The following AHCY variants were observed in gnomAD, a reference collection of about 807,000 sequenced individuals.
The protein encoded by AHCY is S-adenosyl-L-homocysteine hydrolase.
Under a neutral mutation model 45.4 loss-of-function variants are expected in AHCY, and 24 were observed. The observed-to-expected ratio is 0.53, with a 90% CI of 0.38 to 0.74. The LOEUF (loss-of-function observed/expected upper bound fraction) is 0.74, where lower values mean the gene tolerates loss of function less well. Ranked by LOEUF, AHCY falls within the 30% of genes least tolerant of loss-of-function variation. AHCY has a pLI of 0.00. For missense variants in AHCY, 449 were observed against 594.1 expected, an observed-to-expected ratio of 0.76 and a Z score of 2.54; for synonymous variants, 245 against 235.1, an observed-to-expected ratio of 1.04 and a Z score of -0.39.
At chr20:34,288,851 T>C (rs1423720881) in intron 8 of AHCY, among the ~76,000 whole-genome samples, 1 of 152,122 alleles carries the variant, frequency 6.6e-6, no homozygotes, top group Admixed American at 6.6e-5. Context: ...AAACTCATAA[T>C]AATTGCAACT....
the AHCY span, among the ~76,000 whole-genome samples, chr20:34,253,432 CTTA>C: frequency 7.8e-6 from 1 of 127,478 alleles, no homozygotes; most frequent in African/African-American, 4.8e-5. Context: ...TCCCTACGCT[CTTA>C]TTTTTATTTT....
intron 9 of AHCY, chr20:34,281,648 T>C (rs1463662677): frequency 9.4e-6 from 2 of 213,818 alleles, no homozygotes; most frequent in Non-Finnish European, 1.9e-5. Context: ...GAATCCTAGG[T>C]TTCCAGTGTT....
At chr20:34,276,070 G>A (rs73261404), downstream of AHCY, among the ~76,000 whole-genome samples, 16,057 of 152,024 alleles carry the variant, frequency 0.11, 2,847 homozygotes, top group African/African-American at 0.37. Context: ...TTCCAATCCT[G>A]GCAGCCCCAC....
intron 9 of AHCY, among the ~76,000 whole-genome samples, chr20:34,282,236 A>G (rs2036027954): frequency 6.6e-6 from 1 of 152,156 alleles, no homozygotes; most frequent in Non-Finnish European, 1.5e-5. Context: ...CTCTGGGGGA[A>G]GCCAGATGCC....
chr20:34,236,588 C>T, the AHCY span, among the ~76,000 whole-genome samples: 6 of 151,952 alleles, frequency 3.9e-5, no homozygotes, highest in Admixed American at 1.3e-4. Context: ...CAGTGGCTCA[C>T]GCCTGTAATC....
At chr20:34,291,636 T>C in intron 4 of AHCY, 105 bp from the exon 5 acceptor site, 1 of 1,040,762 alleles carries the variant, frequency 9.6e-7, no homozygotes, top group Non-Finnish European at 1.5e-6. Flanking sequence ...GGTTCCCATC[T>C]CTGTGACTGA....
chr20:34,269,453 A>G, the AHCY span: 1 of 428,314 alleles, frequency 2.3e-6, no homozygotes. Context: ...TCCCAGCCTC[A>G]CAGCTGCACT....
the AHCY span, among the ~76,000 whole-genome samples, chr20:34,245,698 A>AAT: frequency 6.6e-6 from 1 of 151,782 alleles, no homozygotes; most frequent in Non-Finnish European, 1.5e-5. Context: ...AAATGACCAA[A>AAT]ATTTTTTATT....
the AHCY span, among the ~76,000 whole-genome samples, chr20:34,232,009 A>G: frequency 6.6e-6 from 1 of 152,246 alleles, no homozygotes; most frequent in Non-Finnish European, 1.5e-5. Flanking sequence ...ATTATTCATC[A>G]CACAGCAAGC....
the AHCY span, chr20:34,246,460 TG>T: frequency 7.1e-7 from 1 of 1,401,402 alleles, no homozygotes; most frequent in African/African-American, 1.4e-5. Flanking sequence ...GGACTCGAAG[TG>T]GGTAATTGGC....
intron 5 of AHCY, 84 bp from the exon 6 acceptor site, chr20:34,291,022 G>T: frequency 7.2e-7 from 1 of 1,382,250 alleles, no homozygotes; most frequent in Non-Finnish European, 1.0e-6. Context: ...ATTCTGAAGA[G>T]CCCAGGCATC....
At chr20:34,234,506 T>TTTC in the AHCY span, among the ~76,000 whole-genome samples, 1 of 112,776 alleles carries the variant, frequency 8.9e-6, no homozygotes, top group Non-Finnish European at 2.0e-5. Flanking sequence ...TCTTTTCTCC[T>TTTC]TCCTTCCTTC....
chr20:34,262,851 A>G, the AHCY span: 1 of 1,614,026 alleles, frequency 6.2e-7, no homozygotes, highest in South Asian at 1.1e-5. Context: ...AGAAATCCAA[A>G]CAGATCGGCA....
chr20:34,310,114 C>T (rs1169569921), intron 1 of AHCY, among the ~76,000 whole-genome samples: 5 of 151,986 alleles, frequency 3.3e-5, no homozygotes, highest in Non-Finnish European at 5.9e-5. Context: ...AATGCAGTGG[C>T]GCGATCTTGG....
the AHCY span, among the ~76,000 whole-genome samples, chr20:34,236,410 G>C: frequency 1.3e-5 from 2 of 152,160 alleles, no homozygotes; most frequent in African/African-American, 4.8e-5. Context: ...CAGGCATGGT[G>C]GTGCGTGTCT....
Position 34,295,536 on chromosome 20 carries a change from C to G in AHCY, c.78G>C (p.Glu26Asp), listed in dbSNP as rs750589371. The G allele has an allele frequency of 6.2e-7, 1 of 1,614,162 alleles. No individual in the cohort carries two copies. The highest frequency in any genetic ancestry group is 8.5e-7 in the Non-Finnish European group (1 of 1,180,032). The change falls in exon 2 of 10, where the codon GAG becomes GAC. Residue 26 changes from glutamate to aspartate, a missense_variant. Physicochemically the swap from Glu to Asp is conservative, Grantham distance 45 (BLOSUM62 2). Transcript: ENST00000217426. ...TACGCATCAGGCCCGGCATCTCGTT[C>G]TCAGCAATGTCCAGGGCCTTGCGTC... is the stretch of plus-strand genomic sequence containing the variant. Reference protein sequence around the residue: ...AWGRKALDIAENEMPGLMRMR... With the variant: ...AWGRKALDIADNEMPGLMRMR...
intron 1 of AHCY, among the ~76,000 whole-genome samples, chr20:34,298,511 A>G (rs1026483949): frequency 1.3e-5 from 2 of 151,166 alleles, no homozygotes; most frequent in African/African-American, 4.8e-5. Flanking sequence ...AGCGTCTGGG[A>G]AGACGCCCGT....
At chr20:34,283,951 C>T (rs1356973366) in intron 9 of AHCY, among the ~76,000 whole-genome samples, 2 of 152,196 alleles carry the variant, frequency 1.3e-5, no homozygotes, top group East Asian at 3.8e-4. Context: ...CCATTTAGCT[C>T]ATAAGGAGAC....
rs189847476 is a variant in AHCY at position 34,310,932 on chromosome 20, C to T, written c.-57+540G>A. 4.9e-3 allele frequency among the ~76,000 whole-genome samples: 745 copies of T among 152,220 alleles called. 5 individuals carry two copies. The highest frequency in any genetic ancestry group is 0.017 in the African/African-American group (689 of 41,536). The stretch of plus-strand genomic sequence containing the variant: ...CCTGAGGTCAGGAGTTCGAGATCGG[C>T]CTGGCCAACATGGCGAAATCCCATC... On this transcript the variant is annotated intron_variant, in intron 1 of 9. Coordinates refer to the AHCY transcript ENST00000538132.
Sources: gnomAD v4.1 joint callset for allele counts (sites outside exome capture counted in the v4.1 genomes callset) on GRCh38, gnomAD v4.1.1 for gene constraint, MANE v1.5 for transcripts, NCBI Gene and HGNC (gene_info 2026-07-23, HGNC 2026-07-21) for gene names.